Variants in MOB2 observed in about 807,000 individuals in gnomAD.
The protein encoded by MOB2 is MOB kinase activator 2.
Under a neutral mutation model 27.4 loss-of-function variants are expected in MOB2, and 14 were observed. The observed-to-expected ratio is 0.51, with a 90% confidence interval of 0.34 to 0.80. MOB2 has a LOEUF of 0.80. Ranked by LOEUF, MOB2 falls within the 30% of genes least tolerant of loss-of-function variation. The probability of loss-of-function intolerance (pLI) is 0.01; values close to 1 mark genes in which losing one functional copy is unlikely to be tolerated. For missense variants in MOB2, 304 were observed against 354.6 expected, an observed-to-expected ratio of 0.86 and a Z score of 1.15; for synonymous variants, 167 against 151.8, an observed-to-expected ratio of 1.10 and a Z score of -0.74.
intron 3 of MOB2, among the ~76,000 whole-genome samples, chr11:1,475,514 T>C (rs1847842833): frequency 6.6e-6 from 1 of 152,220 alleles, no homozygotes; most frequent in Non-Finnish European, 1.5e-5. Context: ...GTTGCTAAGT[T>C]AGTCTCGAAC....
intron 3 of MOB2, among the ~76,000 whole-genome samples, chr11:1,474,308 A>G (rs60396686): frequency 3.9e-5 from 6 of 152,274 alleles, no homozygotes; most frequent in South Asian, 4.1e-4. Context: ...TGTATTCTGG[A>G]TATCAGTCCT....
intron 1 of MOB2, 141 bp downstream of exon 1, chr11:1,486,306 C>A (rs1029582178): frequency 2.8e-5 from 19 of 669,350 alleles, no homozygotes; most frequent in Non-Finnish European, 5.0e-5. Context: ...GCACAGCTCG[C>A]TGCACAGCCG....
chr11:1,486,102 G>A (rs1438659182), intron 1 of MOB2, among the ~76,000 whole-genome samples: 1 of 152,262 alleles, frequency 6.6e-6, no homozygotes, highest in Non-Finnish European at 1.5e-5. Context: ...GGGAGGACAA[G>A]GCAGGCTCCT....
chr11:1,485,450 C>T (rs1382907182), intron 1 of MOB2, among the ~76,000 whole-genome samples: 2 of 152,236 alleles, frequency 1.3e-5, no homozygotes, highest in African/African-American at 2.4e-5. Context: ...CACCGGCCGG[C>T]ACTCTTGTGT....
rs778892027 is a variant in MOB2 at position 1,470,187 on chromosome 11, G to A, written c.792C>T (p.His264=). The change falls in exon 5 of 5, where the codon CAC becomes CAT. Residue 264 remains histidine, a synonymous_variant. Coordinates refer to ENST00000329957, the MANE Select transcript of MOB2 (RefSeq NM_001172223.3). The part of the protein sequence containing the change: ...AGSGGPGAQN[H]VKER ...CCCGGGGGGCTCATCTCTCCTTCAC[G>A]TGGTTCTGTGCTCCCGGGCCCCCGC... is the stretch of plus-strand genomic sequence containing the variant. 1.2e-5 allele frequency: 19 copies of A among 1,605,414 alleles called. No homozygotes were observed. Among genetic ancestry groups the A allele is most frequent in the Middle Eastern group, 3.3e-4 (2 of 6,076 alleles).
At chr11:1,481,171 A>C (rs4881735) in intron 1 of MOB2, 491,294 of 543,968 alleles carry the variant, frequency 0.9, 222,448 homozygotes, top group East Asian at 1. Context: ...CCCCTCACCA[A>C]GTCCTCCAAC....
intron 1 of MOB2, among the ~76,000 whole-genome samples, chr11:1,484,792 G>T (rs1037112456): frequency 2.6e-5 from 4 of 152,164 alleles, no homozygotes; most frequent in African/African-American, 9.7e-5. Flanking sequence ...TGAGGGGTGG[G>T]AAGGCCTCCG....
chr11:1,470,902 G>A (rs977291059), intron 4 of MOB2, among the ~76,000 whole-genome samples: 1 of 152,248 alleles, frequency 6.6e-6, no homozygotes, highest in South Asian at 2.1e-4. Flanking sequence ...GTCCCCTGCC[G>A]TCCCTCTGGC....
chr11:1,486,486 CAG>C lies in MOB2; in HGVS notation c.69_70del (p.Cys24LeufsTer20). On this transcript the variant is annotated frameshift_variant, in exon 1 of 5. Coordinates refer to ENST00000329957, the MANE Select transcript of MOB2 (RefSeq NM_001172223.3). LOFTEE classifies it high-confidence loss of function. ...GACAGCCTGAAGCACCATTTTGCAG[CAG>C]AGTCCACTTTGCAGGGACTGGCCGG... 6.5e-7 allele frequency: 1 copy of C among 1,535,918 alleles called. No homozygotes were observed. The highest frequency in any genetic ancestry group is 1.7e-4 in the Middle Eastern group (1 of 5,988).
chr11:1,478,167 C>G (rs1457256200), intron 3 of MOB2, among the ~76,000 whole-genome samples: 1 of 145,398 alleles, frequency 6.9e-6, no homozygotes, highest in Non-Finnish European at 1.5e-5. Flanking sequence ...CCGCCAGGCC[C>G]CACAGCCGCC....
Position 1,480,812 on chromosome 11 carries a change from T to C in MOB2, c.184A>G (p.Thr62Ala). The change falls in exon 2 of 5, where the codon ACC becomes GCC. Residue 62 changes from threonine to alanine, a missense_variant. Physicochemically the swap from Thr to Ala is moderately conservative, Grantham distance 58. Transcript: ENST00000329957. ...TGGAAGTCGGTGATCCTGGCCTTGG[T>C]GTGCTCAGGCTCCAGGTAGGCCTTC... The part of the protein sequence containing the change: ...ERKAYLEPEH[T>A]KARITDFQFK... 1 of 1,589,970 alleles carries C rather than the reference T, an allele frequency of 6.3e-7. No homozygotes were observed. The highest frequency in any genetic ancestry group is 8.6e-7 in the Non-Finnish European group (1 of 1,168,562).
Position 1,486,679 on chromosome 11 carries a change from C to T in MOB2, c.-123G>A, listed in dbSNP as rs1564912617. On this transcript the variant is annotated 5_prime_UTR_variant, in exon 1 of 5. Coordinates refer to ENST00000329957, the MANE Select transcript of MOB2 (RefSeq NM_001172223.3). ...TGGCCAATGGGACGCCTGGCAGAGA[C>T]AAACAGCTGCCCCCTTTCCAGAGGC... The T allele has an allele frequency of 3.0e-6, 2 of 656,516 alleles. No homozygotes were observed. Among genetic ancestry groups the T allele is most frequent in the East Asian group, 2.8e-5 (1 of 36,056 alleles). 40.7% of individuals were successfully genotyped at this position (656,516 alleles called of 1,614,324 possible).
chr11:1,470,571 T>C (rs1380245332), intron 4 of MOB2, 83 bp from the exon 5 acceptor site: 4 of 1,472,768 alleles, frequency 2.7e-6, no homozygotes, highest in Non-Finnish European at 2.7e-6. Context: ...GCCTGGTGGG[T>C]CTGGTACCTG....
At chr11:1,483,252 C>T (rs757160856) in intron 1 of MOB2, among the ~76,000 whole-genome samples, 62 of 152,180 alleles carry the variant, frequency 4.1e-4, no homozygotes, top group Non-Finnish European at 1.2e-4. Flanking sequence ...TGGCTAGGAG[C>T]CCCGGGGCAC....
chr11:1,474,581 AT>A (rs1414175353), intron 3 of MOB2, among the ~76,000 whole-genome samples: 1 of 151,940 alleles, frequency 6.6e-6, no homozygotes, highest in East Asian at 1.9e-4. Context: ...CCTTGAATTT[AT>A]TTTGCTCTTT....
intron 1 of MOB2, among the ~76,000 whole-genome samples, chr11:1,485,525 G>C (rs1342439128): frequency 6.6e-6 from 1 of 152,244 alleles, no homozygotes; most frequent in Non-Finnish European, 1.5e-5. Context: ...AGCCTATGAA[G>C]AGAAAGATGG....
chr11:1,472,382 G>C (rs943983648), intron 3 of MOB2: 3 of 152,418 alleles, frequency 2.0e-5, no homozygotes, highest in Non-Finnish European at 2.9e-5. Flanking sequence ...CAACACTATG[G>C]GTCGGGATTT....
chr11:1,483,405 A>C (rs1034642514), intron 1 of MOB2, among the ~76,000 whole-genome samples: 1 of 152,204 alleles, frequency 6.6e-6, no homozygotes, highest in Non-Finnish European at 1.5e-5. Flanking sequence ...CACTTGGAAG[A>C]AGCAGAAGGG....
chr11:1,470,598 C>A, intron 4 of MOB2, 110 bp from the exon 5 acceptor site: 1 of 1,275,440 alleles, frequency 7.8e-7, no homozygotes, highest in South Asian at 1.5e-5. Flanking sequence ...ACACCTTGAC[C>A]CTGCCACCCT....
Sources: allele counts gnomAD v4.1 joint callset (sites outside exome capture counted in the v4.1 genomes callset), GRCh38; gene constraint gnomAD v4.1.1; transcripts MANE v1.5; gene names NCBI Gene and HGNC (gene_info 2026-07-23, HGNC 2026-07-21).